Variants in VEPH1 observed in about 807,000 individuals in gnomAD.
VEPH1 encodes the protein ventricular zone expressed PH domain containing 1.
VEPH1 carries 80 observed loss-of-function variants against 85.2 expected under a neutral mutation model. That is an observed-to-expected ratio of 0.94 (90% CI 0.78 to 1.13). VEPH1 has a LOEUF of 1.13. Among genes scored for constraint, VEPH1 ranks in the 50% most tolerant of loss-of-function variants. The pLI, the probability that VEPH1 is intolerant of heterozygous loss-of-function variation, is 0.00. For synonymous variants in VEPH1, 297 were observed against 348.0 expected (o/e 0.85, Z 1.63); for missense variants, 955 against 980.5 (o/e 0.97, Z 0.35).
chr3:157,436,942 C>T (rs1354846984), intron 4 of VEPH1: 1 of 1,613,596 alleles, frequency 6.2e-7, no homozygotes. Context: ...CAATGCATCT[C>T]CTTGCGATTC....
At chr3:157,287,548 G>C (rs1355851395) in intron 11 of VEPH1, among the ~76,000 whole-genome samples, 1 of 150,646 alleles carries the variant, frequency 6.6e-6, no homozygotes, top group African/African-American at 2.4e-5. Context: ...AAGCTACATT[G>C]ATTTTTTTTT....
intron 2 of VEPH1, among the ~76,000 whole-genome samples, chr3:157,493,584 G>A (rs1436219485): frequency 6.6e-6 from 1 of 152,210 alleles, no homozygotes; most frequent in African/African-American, 2.4e-5. Context: ...TGTGGTAAAA[G>A]TTAGTAGATG....
At chr3:157,379,039 T>G (rs1222070586) in intron 7 of VEPH1, among the ~76,000 whole-genome samples, 1 of 152,232 alleles carries the variant, frequency 6.6e-6, no homozygotes, top group Non-Finnish European at 1.5e-5. Flanking sequence ...TTACTCGTGA[T>G]TTACTTATTC....
At chr3:157,398,578 G>C (rs1304055512) in intron 6 of VEPH1, among the ~76,000 whole-genome samples, 1 of 151,438 alleles carries the variant, frequency 6.6e-6, no homozygotes, top group African/African-American at 2.4e-5. Flanking sequence ...AGGTTGCAGT[G>C]AGCCAAGATC....
chr3:157,383,960 A>C (rs1729034597), intron 6 of VEPH1, among the ~76,000 whole-genome samples: 1 of 152,176 alleles, frequency 6.6e-6, no homozygotes. Context: ...TATGCAATGC[A>C]TCAAGGGACA....
chr3:157,358,518 A>T (rs1725690355), intron 9 of VEPH1, among the ~76,000 whole-genome samples: 1 of 152,178 alleles, frequency 6.6e-6, no homozygotes, highest in Non-Finnish European at 1.5e-5. Flanking sequence ...ATTAAAAAAT[A>T]AAAAAGAAAC....
intron 2 of VEPH1, among the ~76,000 whole-genome samples, chr3:157,477,190 A>ATT (rs35842236): frequency 0.018 from 2,599 of 143,116 alleles, 72 homozygotes; most frequent in African/African-American, 0.057. Flanking sequence ...CTCTGAGGGC[A>ATT]TTTTTTTTTT....
chr3:157,459,723 C>T, intron 4 of VEPH1: 1 of 1,412,122 alleles, frequency 7.1e-7, no homozygotes. Flanking sequence ...GCTTGTTATC[C>T]AAATCATGTT....
At chr3:157,443,226 C>T (rs1734280127) in intron 4 of VEPH1, 2 of 409,686 alleles carry the variant, frequency 4.9e-6, no homozygotes, top group Non-Finnish European at 8.6e-6. Context: ...AATGCTGTGT[C>T]TCTGTCAGAT....
intron 6 of VEPH1, among the ~76,000 whole-genome samples, chr3:157,399,448 A>G (rs1293290839): frequency 6.6e-6 from 1 of 152,178 alleles, no homozygotes; most frequent in Non-Finnish European, 1.5e-5. Flanking sequence ...ATATCTAGAT[A>G]TCTATATCAT....
intron 13 of VEPH1, among the ~76,000 whole-genome samples, chr3:157,263,263 C>G (rs1026314629): frequency 5.9e-4 from 90 of 152,126 alleles, no homozygotes; most frequent in Non-Finnish European, 1.0e-3. Flanking sequence ...TTATTTCCCA[C>G]TATTTGAGCC....
At chr3:157,354,919 C>T (rs1020896399) in intron 9 of VEPH1, among the ~76,000 whole-genome samples, 1 of 152,168 alleles carries the variant, frequency 6.6e-6, no homozygotes, top group Non-Finnish European at 1.5e-5. Flanking sequence ...TGTTTTCAAT[C>T]TGACTTTTCT....
intron 4 of VEPH1, among the ~76,000 whole-genome samples, chr3:157,446,351 A>G (rs563058599): frequency 3.3e-5 from 5 of 152,296 alleles, no homozygotes; most frequent in African/African-American, 1.2e-4. Flanking sequence ...ATATATCTCC[A>G]GCAGAGCTAA....
At chr3:157,400,741 A>G (rs1158166364) in intron 6 of VEPH1, among the ~76,000 whole-genome samples, 4 of 152,132 alleles carry the variant, frequency 2.6e-5, no homozygotes, top group African/African-American at 9.7e-5. Flanking sequence ...ACTGACCCCA[A>G]ATAATTACAG....
At chr3:157,428,261 T>C in intron 5 of VEPH1, 61 bp downstream of exon 5, 1 of 1,581,064 alleles carries the variant, frequency 6.3e-7, no homozygotes, top group East Asian at 2.2e-5. Flanking sequence ...ACATACGCTG[T>C]TCACACACAA....
chr3:157,437,853 G>T (rs1733757472), intron 4 of VEPH1: 1 of 1,497,664 alleles, frequency 6.7e-7, no homozygotes, highest in African/African-American at 1.5e-5. Context: ...AGGAGCTGCG[G>T]CAGACGCGAG....
chr3:157,262,325 A>C (rs889196145), intron 13 of VEPH1, among the ~76,000 whole-genome samples: 4 of 152,190 alleles, frequency 2.6e-5, no homozygotes, highest in African/African-American at 9.6e-5. Flanking sequence ...TTAATGTTTA[A>C]TAATTATTAA....
intron 12 of VEPH1, among the ~76,000 whole-genome samples, chr3:157,282,015 G>T (rs539392148): frequency 6.6e-6 from 1 of 152,136 alleles, no homozygotes; most frequent in East Asian, 1.9e-4. Context: ...AATCTAGCTC[G>T]CATGAAGGGT....
At chr3:157,499,909 C>T (rs1055821327) in intron 1 of VEPH1, among the ~76,000 whole-genome samples, 2 of 152,174 alleles carry the variant, frequency 1.3e-5, no homozygotes, top group African/African-American at 4.8e-5. Flanking sequence ...TGAGATCTCA[C>T]AAACGTTTTG....
Sources: allele counts gnomAD v4.1 joint callset (sites outside exome capture counted in the v4.1 genomes callset), GRCh38; gene constraint gnomAD v4.1.1; transcripts MANE v1.5; gene names NCBI Gene and HGNC (gene_info 2026-07-23, HGNC 2026-07-21).